MSH5: variants seen among roughly 807,000 people sequenced by gnomAD.
MSH5 encodes the protein mutS homolog 5.
MSH5 carries 78 observed loss-of-function variants against 107.7 expected under a neutral mutation model. That is an observed-to-expected ratio of 0.72 (90% CI 0.60 to 0.87). MSH5 has a LOEUF of 0.87. Ranked by LOEUF, MSH5 falls within the 40% of genes least tolerant of loss-of-function variation. The probability of loss-of-function intolerance (pLI) is 0.00; values close to 1 mark genes in which losing one functional copy is unlikely to be tolerated. For synonymous variants in MSH5, 326 were observed against 399.5 expected (o/e 0.82, Z 2.19); for missense variants, 889 against 1,046.6 (o/e 0.85, Z 2.08).
In MSH5 at chr6:31,758,401, G is replaced by T; in HGVS notation, c.1143+108G>T. 6.4e-7 allele frequency: 1 copy of T among 1,568,660 alleles called. No homozygotes were observed. Among genetic ancestry groups the T allele is most frequent in the South Asian group, 1.1e-5 (1 of 87,746 alleles). The stretch of plus-strand genomic sequence containing the variant: ...ATTGAGGTCAATTGGATAAAGAATG[G>T]GATGGTGGGAGGAGGCAGCAGAACT... On this transcript the variant is annotated intron_variant, in intron 13 of 24. Transcript: ENST00000375750. This position sits in a 1 kb window ranked among gnomAD's most constrained non-coding sequence, Gnocchi z 5.1.
At chr6:31,753,026 C>G (rs1219195159) in intron 10 of MSH5, among the ~76,000 whole-genome samples, 2 of 152,228 alleles carry the variant, frequency 1.3e-5, no homozygotes, top group Non-Finnish European at 2.9e-5. Context: ...AAAATATTGA[C>G]AAGCTCCGTT....
chr6:31,745,148 C>T, intron 8 of MSH5, 89 bp from the exon 9 acceptor site: 1 of 777,064 alleles, frequency 1.3e-6, no homozygotes, highest in Non-Finnish European at 2.3e-6. Flanking sequence ...AGGAGGATAT[C>T]CCCTGTCCCC....
At chr6:31,754,753 C>CTTTTTTTT (rs71552080) in intron 12 of MSH5, among the ~76,000 whole-genome samples, 8 of 135,360 alleles carry the variant, frequency 5.9e-5, no homozygotes, top group Non-Finnish European at 7.9e-5. Flanking sequence ...TTTCTTTTTT[C>CTTTTTTTT]TTTTTTTTTT....
At position 31,760,065 on chromosome 6, in the gene MSH5, C is replaced by T. The variant is rs371798130; in HGVS notation, c.1686-25C>T. 12 of 1,602,108 alleles carry T rather than the reference C, an allele frequency of 7.5e-6. No individual in the cohort carries two copies. The highest frequency in any genetic ancestry group is 3.3e-4 in the Middle Eastern group (2 of 6,008). ...CATCTATCTTGATCCACAAGCCATG[C>T]GAGGTGCCTCTCCGCCCACTGCAGA... is the stretch of plus-strand genomic sequence containing the variant. On this transcript the variant is annotated intron_variant, in intron 18 of 24. Coordinates refer to ENST00000375750, the MANE Select transcript of MSH5 (RefSeq NM_172166.4). This position sits in a 1 kb window ranked among gnomAD's most constrained non-coding sequence, Gnocchi z 5.6.
intron 10 of MSH5, among the ~76,000 whole-genome samples, chr6:31,748,344 C>CTT (rs36029092): frequency 2.0e-3 from 247 of 126,546 alleles, no homozygotes; most frequent in East Asian, 3.2e-3. Context: ...CATGTCACTC[C>CTT]TTTTTTTTTT....
rs779976920 is a variant in MSH5, at chr6:31,741,261, C to G, written c.246C>G (p.His82Gln). 2 of 1,611,642 alleles carry G rather than the reference C, an allele frequency of 1.2e-6. No individual in the cohort carries two copies. The highest frequency in any genetic ancestry group is 2.7e-5 in the African/African-American group (2 of 74,774). Residue 82 changes from histidine to glutamine, a missense_variant, in exon 3 of 25, where the codon CAC becomes CAG. Physicochemically the swap from His to Gln is conservative, Grantham distance 24. Coordinates refer to ENST00000375750, the MANE Select transcript of MSH5 (RefSeq NM_172166.4). Reference protein sequence around the residue: ...TIHFMPDAPDHESLKLLQRVL... With the variant: ...TIHFMPDAPDQESLKLLQRVL... ...ACTTCATGCCAGATGCCCCAGACCA[C>G]GAGAGCCTCAAGCTTCTCCAGAGAG...
intron 3 of MSH5, 83 bp downstream of exon 3, chr6:31,741,369 ACAC>A: frequency 1.5e-6 from 2 of 1,307,226 alleles, no homozygotes; most frequent in East Asian, 4.9e-5. Flanking sequence ...ACACACACAC[ACAC>A]ACACACACAC....
In MSH5 at chr6:31,741,276, T is replaced by G. The variant is rs777790620; in HGVS notation, c.261T>G (p.Leu87=). The G allele has an allele frequency of 5.2e-5, 83 of 1,611,332 alleles. No individual in the cohort carries two copies. The highest frequency in any genetic ancestry group is 1.6e-4 in the Middle Eastern group (1 of 6,074). ...PDAPDHESLK[L]LQRVLDEINP... ...CCCCAGACCACGAGAGCCTCAAGCTTCTCCAGAGAGGTGGGGATGGAACCA... is the reference window on the plus strand; with the variant it reads ...CCCCAGACCACGAGAGCCTCAAGCTGCTCCAGAGAGGTGGGGATGGAACCA... Residue 87 remains leucine, a synonymous_variant, in exon 3 of 25, where the codon CTT becomes CTG. Transcript: ENST00000375750.
chr6:31,756,548 T>C (rs1810461414), intron 12 of MSH5: 1 of 152,236 alleles, frequency 6.6e-6, no homozygotes, highest in South Asian at 2.1e-4. Context: ...AGCCAGAAAT[T>C]TCTGTAAAGA....
chr6:31,759,619 C>T lies in MSH5; in HGVS notation c.1495+107C>T, dbSNP rs1341470855. On this transcript the variant is annotated intron_variant, in intron 17 of 24. Coordinates refer to ENST00000375750, the MANE Select transcript of MSH5 (RefSeq NM_172166.4). This position sits in a 1 kb window ranked among gnomAD's most constrained non-coding sequence, Gnocchi z 4.7. ...TGGGGATGCTTCCAACAGGCCCCTCCTCTTCCTGCTCTCTGTCTCGCTCAC... is the reference window on the plus strand; with the variant it reads ...TGGGGATGCTTCCAACAGGCCCCTCTTCTTCCTGCTCTCTGTCTCGCTCAC... 27 of 1,350,348 alleles carry T rather than the reference C, an allele frequency of 2.0e-5. No homozygotes were observed. The highest frequency in any genetic ancestry group is 2.6e-5 in the Non-Finnish European group (25 of 962,130). The allele number at this position is 1,350,348 out of a possible 1,614,324, so 83.6% of individuals were successfully genotyped here.
intron 12 of MSH5, chr6:31,753,852 AGAAGTTGG>A: frequency 2.0e-6 from 1 of 488,306 alleles, no homozygotes; most frequent in Non-Finnish European, 3.7e-6. Flanking sequence ...CAGCCTCCCG[AGAAGTTGG>A]GATTACAAGC....
Position 31,762,553 on chromosome 6 carries a change from C to T in MSH5, c.*22C>T, listed in dbSNP as rs1235387059. ...CTGAGAGTCCTTCCAGTGTCCTCCC[C>T]AGCCTCCTGAGACTCCGGTGGGCTG... On this transcript the variant is annotated 3_prime_UTR_variant, in exon 25 of 25. Transcript: ENST00000375750. The T allele has an allele frequency of 7.1e-6, 11 of 1,539,198 alleles. No individual in the cohort carries two copies. Among genetic ancestry groups the T allele is most frequent in the Non-Finnish European group, 9.9e-6 (11 of 1,113,010 alleles).
At chr6:31,745,345 A>T in intron 9 of MSH5, 26 bp downstream of exon 9, 1 of 1,544,434 alleles carries the variant, frequency 6.5e-7, no homozygotes. Flanking sequence ...CCCTCATCTC[A>T]CATTACAAAG....
Position 31,758,841 on chromosome 6 carries a change from G to A in MSH5, c.1292G>A (p.Arg431His), listed in dbSNP as rs146419845. 2.1e-5 allele frequency: 34 copies of A among 1,614,042 alleles called. 1 individual carries two copies. Among genetic ancestry groups the A allele is most frequent in the South Asian group, 8.8e-5 (8 of 91,080 alleles). Reference sequence around the variant, plus strand: ...AAGGAGCTGGAGAATCTGGACTCCCGTATTCCTTCATGCAGTGTCATCTAC... The same window carrying A: ...AAGGAGCTGGAGAATCTGGACTCCCATATTCCTTCATGCAGTGTCATCTAC... Reference protein sequence around the residue: ...ARKELENLDSRIPSCSVIYIP... With the variant: ...ARKELENLDSHIPSCSVIYIP... The change falls in exon 15 of 25, where the codon CGT (arginine) becomes CAT (histidine). Residue 431 changes from arginine to histidine, a missense_variant. Transcript: ENST00000375750. The surrounding 1 kb of genome is among the most constrained non-coding windows in gnomAD (Gnocchi z 5.1).
At chr6:31,743,285 G>A (rs1291998362) in intron 5 of MSH5, 115 bp downstream of exon 5, 1 of 1,118,872 alleles carries the variant, frequency 8.9e-7, no homozygotes, top group African/African-American at 1.5e-5. Context: ...CTAAACCTTT[G>A]TGCTCCTCAT....
At chr6:31,743,288 C>T in intron 5 of MSH5, 118 bp downstream of exon 5, 1 of 1,060,970 alleles carries the variant, frequency 9.4e-7, no homozygotes, top group Non-Finnish European at 1.5e-6. Context: ...AACCTTTGTG[C>T]TCCTCATGCC....
chr6:31,758,331 C>G lies in MSH5; in HGVS notation c.1143+38C>G, dbSNP rs763908928. The G allele has an allele frequency of 3.1e-6, 5 of 1,608,696 alleles. No homozygotes were observed. The highest frequency in any genetic ancestry group is 4.2e-6 in the Non-Finnish European group (5 of 1,177,436). On this transcript the variant is annotated intron_variant, in intron 13 of 24. Coordinates refer to ENST00000375750, the MANE Select transcript of MSH5 (RefSeq NM_172166.4). The surrounding 1 kb of genome is among the most constrained non-coding windows in gnomAD (Gnocchi z 5.1). ...AAAAAGGGAGTGCACCCAGGGAGGT[C>G]AGGGAGAGAGAATGCAGTGTGCAAG...
intron 11 of MSH5, 39 bp from the exon 12 acceptor site, chr6:31,753,528 G>A: frequency 6.2e-7 from 1 of 1,613,978 alleles, no homozygotes. Flanking sequence ...TTAGAGTGAG[G>A]GAAGAGAAAA....
chr6:31,740,666 A>C lies in MSH5; in HGVS notation c.147+53A>C. 6.9e-7 allele frequency: 1 copy of C among 1,440,164 alleles called. No homozygotes were observed. The highest frequency in any genetic ancestry group is 9.1e-7 in the Non-Finnish European group (1 of 1,094,952). 89.2% of individuals were successfully genotyped at this position (1,440,164 alleles called of 1,614,324 possible). On this transcript the variant is annotated intron_variant, in intron 2 of 24. Coordinates refer to ENST00000375750, the MANE Select transcript of MSH5 (RefSeq NM_172166.4). This position sits in a 1 kb window ranked among gnomAD's most constrained non-coding sequence, Gnocchi z 4.4. ...GGAGAGTTGATGGGAAGTTAGAATAAAAGAGGGTTGGGAGCCGGGCGCGGT... is the reference window on the plus strand; with the variant it reads ...GGAGAGTTGATGGGAAGTTAGAATACAAGAGGGTTGGGAGCCGGGCGCGGT...
Sources: gnomAD v4.1 joint callset for allele counts (sites outside exome capture counted in the v4.1 genomes callset) on GRCh38, gnomAD v4.1.1 for gene constraint, Gnocchi (gnomAD v3.1) non-coding constraint, MANE v1.5 for transcripts, NCBI Gene and HGNC (gene_info 2026-07-23, HGNC 2026-07-21) for gene names.